RUNX1T1: variants seen among roughly 807,000 people sequenced by gnomAD.
The protein encoded by RUNX1T1 is RUNX1 partner transcriptional co-repressor 1, also known as protein CBFA2T1.
A neutral mutation model predicts 62.8 loss-of-function variants in RUNX1T1; 4 were observed. The ratio of observed to expected loss-of-function variants is 0.06; its 90% CI spans 0.03 to 0.15. The LOEUF (loss-of-function observed/expected upper bound fraction) is 0.15. Ranked by LOEUF, RUNX1T1 falls within the 10% of genes least tolerant of loss-of-function variation. The pLI, the probability that RUNX1T1 is intolerant of heterozygous loss-of-function variation, is 1.00. For synonymous variants in RUNX1T1, 291 were observed against 286.0 expected (o/e 1.02, Z -0.18); for missense variants, 508 against 754.3 (o/e 0.67, Z 3.82).
rs1320545508 is a variant in RUNX1T1 at position 92,008,386 on chromosome 8, T to TCACACACACA, written c.477+2615_477+2616insTGTGTGTGTG. 2.6e-4 allele frequency among the ~76,000 whole-genome samples: 13 copies of TCACACACACA among 49,134 alleles called. No individual in the cohort carries two copies. The East Asian group carries it at 3.5e-3, about 13-fold the overall frequency. The allele number at this position is 49,134 out of a possible 152,430, so 32.2% of individuals were successfully genotyped here. On this transcript the variant is annotated intron_variant, in intron 4 of 10. Transcript: ENST00000396218. ...CCACATATCTCTCTCTCTCTCTCTC[T>TCACACACACA]CTCACACACACACACACACACACAC...
chr8:92,009,136 T>C (rs1821442278), intron 4 of RUNX1T1, among the ~76,000 whole-genome samples: 1 of 152,188 alleles, frequency 6.6e-6, no homozygotes, highest in Non-Finnish European at 1.5e-5. Context: ...AATTTAGCGA[T>C]TCCATAAACA....
chr8:91,962,494 C>T (rs1249471675), intron 10 of RUNX1T1, among the ~76,000 whole-genome samples: 5 of 152,204 alleles, frequency 3.3e-5, no homozygotes, highest in African/African-American at 1.2e-4. Flanking sequence ...GAAACTATCT[C>T]AAAAGATGTG....
chr8:92,089,381 T>TA (rs1836622956), intron 1 of RUNX1T1, among the ~76,000 whole-genome samples: 1 of 152,204 alleles, frequency 6.6e-6, no homozygotes, highest in African/African-American at 2.4e-5. Context: ...GAGAATTGTT[T>TA]AGTCTTTCCT....
chr8:92,030,524 G>T (rs1826028348), intron 1 of RUNX1T1, among the ~76,000 whole-genome samples: 1 of 152,126 alleles, frequency 6.6e-6, no homozygotes, highest in South Asian at 2.1e-4. Context: ...GTAATAGAAA[G>T]AATAAAATAA....
At chr8:91,998,929 T>C (rs1235215723) in intron 5 of RUNX1T1, among the ~76,000 whole-genome samples, 1 of 152,212 alleles carries the variant, frequency 6.6e-6, no homozygotes, top group Non-Finnish European at 1.5e-5. Context: ...AGAGAGACCA[T>C]TTAATACACT....
At chr8:92,065,329 C>T (rs535497172), upstream of RUNX1T1, among the ~76,000 whole-genome samples, 1 of 152,064 alleles carries the variant, frequency 6.6e-6, no homozygotes, top group Non-Finnish European at 1.5e-5. Context: ...TTCTCCAGTA[C>T]AAAACACTGT....
chr8:92,017,230 T>C (rs747139506), exon 2 of RUNX1T1: 1 of 1,600,762 alleles, frequency 6.2e-7, no homozygotes, highest in Admixed American at 1.7e-5. Flanking sequence ...ACTTACACGT[T>C]GTCGGTGTAA....
intron 1 of RUNX1T1, chr8:92,017,665 G>A: frequency 8.0e-7 from 1 of 1,255,194 alleles, no homozygotes; most frequent in East Asian, 3.7e-5. Flanking sequence ...ACTGGAAGCT[G>A]AAGCCAATGT....
upstream of RUNX1T1, among the ~76,000 whole-genome samples, chr8:92,064,013 C>T (rs1293066029): frequency 1.3e-5 from 2 of 152,278 alleles, no homozygotes; most frequent in East Asian, 3.9e-4. Flanking sequence ...TTTCCATATG[C>T]TTTTAGCCCT....
intron 9 of RUNX1T1, among the ~76,000 whole-genome samples, chr8:91,973,308 T>C: frequency 6.6e-6 from 1 of 151,828 alleles, no homozygotes. Context: ...CTAAAGCAAA[T>C]ATGATAAAAT....
intron 10 of RUNX1T1, among the ~76,000 whole-genome samples, chr8:91,965,528 C>G (rs1811393306): frequency 1.3e-5 from 2 of 152,270 alleles, no homozygotes; most frequent in South Asian, 4.1e-4. Flanking sequence ...AAATTACTCT[C>G]AAACCTGTTT....
chr8:91,963,806 ATTGTT>A (rs1424166436), intron 10 of RUNX1T1, among the ~76,000 whole-genome samples: 1 of 152,116 alleles, frequency 6.6e-6, no homozygotes, highest in African/African-American at 2.4e-5. Context: ...TTTCCTGATA[ATTGTT>A]TTATTTATTT....
chr8:92,075,585 TCTC>T (rs1301248840), intron 2 of RUNX1T1, among the ~76,000 whole-genome samples: 2 of 152,184 alleles, frequency 1.3e-5, no homozygotes, highest in Non-Finnish European at 2.9e-5. Flanking sequence ...GAAAACACCA[TCTC>T]CTCGTTACAA....
rs139077519 is a variant in RUNX1T1, at chr8:91,974,697, C to T, written c.1267+1208G>A. Reference sequence around the variant, plus strand: ...TATTACAGTAAATCTGGTAAAACTACACAGTTCAGCAACATATGTATTTTA... The same window carrying T: ...TATTACAGTAAATCTGGTAAAACTATACAGTTCAGCAACATATGTATTTTA... On this transcript the variant is annotated intron_variant, in intron 9 of 10. Transcript: ENST00000396218. 4.8e-3 allele frequency among the ~76,000 whole-genome samples: 732 copies of T among 152,238 alleles called. 1 individual carries two copies. The highest frequency in any genetic ancestry group is 6.0e-3 in the Non-Finnish European group (408 of 67,982).
rs150547107 is a variant in RUNX1T1, at chr8:92,076,219, A to G, written c.-85-82T>C. ...CATACCCATCTGTTTACATGATAAC[A>G]CTAGGCCAGTTTTGTTATGTTTTGT... is the stretch of plus-strand genomic sequence containing the variant. On this transcript the variant is annotated intron_variant, in intron 1 of 11. Coordinates refer to the RUNX1T1 transcript ENST00000265814. 3,758 of 1,070,136 alleles carry G rather than the reference A, an allele frequency of 3.5e-3. 69 individuals are homozygous for G. The African/African-American group carries it at 0.041, about 12-fold the overall frequency. 66.3% of individuals were successfully genotyped at this position (1,070,136 alleles called of 1,614,324 possible).
intron 8 of RUNX1T1, among the ~76,000 whole-genome samples, chr8:91,984,990 C>G (rs1032775315): frequency 6.6e-6 from 1 of 152,094 alleles, no homozygotes; most frequent in African/African-American, 2.4e-5. Context: ...AATCTACAAA[C>G]CTAAGTGCAT....
rs200707087 is a variant in RUNX1T1, at chr8:91,981,582, A to AT, written c.1198+4541dup. 3.1e-3 allele frequency among the ~76,000 whole-genome samples: 473 copies of AT among 150,812 alleles called. 1 individual carries two copies. The highest frequency in any genetic ancestry group is 5.4e-3 in the Non-Finnish European group (367 of 67,622). On this transcript the variant is annotated intron_variant, in intron 8 of 10. Transcript: ENST00000396218. ...GGGGTGCACCACCATTATCTGGCTAATTTTTTTTATTTTTAGCATAGACGG... is the reference window on the plus strand; with the variant it reads ...GGGGTGCACCACCATTATCTGGCTAATTTTTTTTTATTTTTAGCATAGACGG...
At chr8:92,054,125 G>GA (rs201817398) in intron 1 of RUNX1T1, among the ~76,000 whole-genome samples, 1,439 of 126,202 alleles carry the variant, frequency 0.011, 10 homozygotes, top group South Asian at 0.032. Context: ...TTAGTACCTG[G>GA]AAAAAAAAAA....
intron 8 of RUNX1T1, among the ~76,000 whole-genome samples, chr8:91,979,395 G>A (rs559633830): frequency 6.6e-5 from 10 of 152,110 alleles, no homozygotes; most frequent in East Asian, 1.9e-4. Flanking sequence ...ATTCTTACCC[G>A]TTAACTCTTA....
Sources: allele counts gnomAD v4.1 joint callset (sites outside exome capture counted in the v4.1 genomes callset), GRCh38; gene constraint gnomAD v4.1.1; transcripts MANE v1.5; gene names NCBI Gene and HGNC (gene_info 2026-07-23, HGNC 2026-07-21).